The following PPARG variants were observed in gnomAD, a reference collection of about 807,000 sequenced individuals.
PPARG encodes the protein peroxisome proliferator-activated receptor gamma.
PPARG carries 17 observed loss-of-function variants against 39.2 expected under a neutral mutation model. That is an observed-to-expected ratio of 0.43 (90% CI 0.30 to 0.65). PPARG has a LOEUF of 0.65. PPARG is among the 30% of genes least tolerant of loss of function. The pLI, the probability that PPARG is intolerant of heterozygous loss-of-function variation, is 0.13. For synonymous variants in PPARG, 223 were observed against 215.7 expected, an observed-to-expected ratio of 1.03 and a Z score of -0.30; for missense variants, 406 against 585.9, an observed-to-expected ratio of 0.69 and a Z score of 3.17.
intron 2 of PPARG, among the ~76,000 whole-genome samples, chr3:12,314,067 A>G (rs373889853): frequency 2.2e-4 from 34 of 152,274 alleles, no homozygotes; most frequent in African/African-American, 8.2e-4. Flanking sequence ...ATTTGAGGTC[A>G]GGAGTTCGAG....
At chr3:12,396,829 T>G (rs938865081) in intron 5 of PPARG, among the ~76,000 whole-genome samples, 3 of 151,890 alleles carry the variant, frequency 2.0e-5, no homozygotes, top group Non-Finnish European at 4.4e-5. Flanking sequence ...ATGTATGAAC[T>G]AAATAATAAA....
intron 6 of PPARG, among the ~76,000 whole-genome samples, chr3:12,407,178 T>G (rs909333802): frequency 9.9e-5 from 15 of 151,978 alleles, no homozygotes; most frequent in Non-Finnish European, 1.8e-4. Context: ...TGTTGTTGTT[T>G]TGAGACAGAG....
intron 2 of PPARG, among the ~76,000 whole-genome samples, chr3:12,321,617 C>T (rs2047547897): frequency 6.6e-6 from 1 of 152,132 alleles, no homozygotes; most frequent in Non-Finnish European, 1.5e-5. Context: ...CCATCGTTTC[C>T]ATCATCCTCC....
intron 1 of PPARG, among the ~76,000 whole-genome samples, chr3:12,298,298 C>CAAAAAAAAAAAAAAAAAA (rs58459399): frequency 4.8e-5 from 2 of 41,356 alleles, no homozygotes; most frequent in Admixed American, 4.9e-4. Context: ...GACTCTGTCT[C>CAAAAAAAAAAAAAAAAAA]AAAAAAAAAA....
At chr3:12,396,084 A>G (rs1010570426) in intron 5 of PPARG, among the ~76,000 whole-genome samples, 3 of 152,142 alleles carry the variant, frequency 2.0e-5, no homozygotes, top group Non-Finnish European at 2.9e-5. Flanking sequence ...CAAGTCCTTT[A>G]TAGTAATTGC....
intron 2 of PPARG, among the ~76,000 whole-genome samples, chr3:12,340,117 A>G (rs1325869563): frequency 1.3e-5 from 2 of 152,234 alleles, no homozygotes; most frequent in Admixed American, 6.5e-5. Flanking sequence ...ACAATGGGCT[A>G]TACAATGGAA....
intron 7 of PPARG, among the ~76,000 whole-genome samples, chr3:12,429,376 T>G (rs1042747383): frequency 3.3e-5 from 5 of 151,714 alleles, no homozygotes; most frequent in South Asian, 2.1e-4. Context: ...CCTAGTAGAT[T>G]AACATCATCT....
At chr3:12,296,068 G>A (rs2046774131) in intron 1 of PPARG, among the ~76,000 whole-genome samples, 2 of 151,348 alleles carry the variant, frequency 1.3e-5, no homozygotes, top group Non-Finnish European at 2.9e-5. Flanking sequence ...CCTGGCCAAC[G>A]TGGCAGAACC....
In PPARG at chr3:12,392,605, C is replaced by T. The variant is rs377655854; in HGVS notation, c.391-9C>T. On this transcript the variant is annotated splice_polypyrimidine_tract_variant and intron_variant, in intron 4 of 7. Transcript: ENST00000651735. ...ACTTAAAATTTGCTTCTTTTTTATC[C>T]CTTTGCAGGGTTTCTTCCGGAGAAC... is the stretch of plus-strand genomic sequence containing the variant. The T allele has an allele frequency of 9.9e-6, 16 of 1,613,438 alleles. No homozygotes were observed. The highest frequency in any genetic ancestry group is 8.0e-5 in the African/African-American group (6 of 74,934).
chr3:12,354,905 A>G (rs1401233003), intron 2 of PPARG, among the ~76,000 whole-genome samples: 6 of 152,182 alleles, frequency 3.9e-5, no homozygotes, highest in South Asian at 2.1e-4. Flanking sequence ...GAGTGTTTTG[A>G]GAAGATGATC....
chr3:12,310,830 G>C (rs1484672929), intron 1 of PPARG, among the ~76,000 whole-genome samples: 1 of 129,476 alleles, frequency 7.7e-6, no homozygotes, highest in African/African-American at 2.9e-5. Flanking sequence ...AAAAACCCAA[G>C]TGGTAATCTG....
At chr3:12,309,300 C>T (rs1434916526) in intron 1 of PPARG, among the ~76,000 whole-genome samples, 2 of 152,060 alleles carry the variant, frequency 1.3e-5, no homozygotes, top group African/African-American at 4.8e-5. Flanking sequence ...CTGTTTTTGT[C>T]GTTTTTGTAG....
chr3:12,319,476 T>C (rs1407936937), intron 2 of PPARG, among the ~76,000 whole-genome samples: 1 of 152,180 alleles, frequency 6.6e-6, no homozygotes. Flanking sequence ...CACTAAATTA[T>C]AAATACAATT....
chr3:12,296,052 G>A (rs2046772946), intron 1 of PPARG, among the ~76,000 whole-genome samples: 1 of 151,670 alleles, frequency 6.6e-6, no homozygotes, highest in Admixed American at 6.6e-5. Context: ...AGGAGTTTGA[G>A]ACCAGCCTGG....
intron 7 of PPARG, among the ~76,000 whole-genome samples, chr3:12,419,533 G>A (rs1228282481): frequency 6.6e-6 from 1 of 151,308 alleles, no homozygotes; most frequent in African/African-American, 2.4e-5. Flanking sequence ...TGCGATCTCG[G>A]CTCACTACAA....
chr3:12,391,965 A>G (rs1303419413), intron 4 of PPARG, among the ~76,000 whole-genome samples: 3 of 152,156 alleles, frequency 2.0e-5, no homozygotes, highest in Non-Finnish European at 4.4e-5. Context: ...TCAAATTGAC[A>G]TATTTGCCAT....
At chr3:12,381,541 A>T in intron 4 of PPARG, 50 bp downstream of exon 4, 1 of 1,573,822 alleles carries the variant, frequency 6.4e-7, no homozygotes, top group Non-Finnish European at 8.7e-7. Context: ...TTATTATTTC[A>T]TTTCAGCAGA....
chr3:12,360,791 T>C (rs944035335), intron 2 of PPARG, among the ~76,000 whole-genome samples: 4 of 152,214 alleles, frequency 2.6e-5, no homozygotes, highest in Non-Finnish European at 5.9e-5. Flanking sequence ...TACTGTATAG[T>C]GTTTCATTGT....
chr3:12,393,213 T>C (rs2050142472), intron 5 of PPARG, among the ~76,000 whole-genome samples: 3 of 109,016 alleles, frequency 2.8e-5, no homozygotes, highest in Non-Finnish European at 5.8e-5. Flanking sequence ...TTTTTTTTTT[T>C]TGCTGTTTAT....
Sources: gnomAD v4.1 joint callset for allele counts (sites outside exome capture counted in the v4.1 genomes callset) on GRCh38, gnomAD v4.1.1 for gene constraint, MANE v1.5 for transcripts, NCBI Gene and HGNC (gene_info 2026-07-23, HGNC 2026-07-21) for gene names.